The following ARL17A variants were observed in gnomAD, a reference collection of about 807,000 sequenced individuals.
ARL17A encodes ADP-ribosylation factor-like 17-like.
chr17:46,530,200 T>C (rs1196925222), intron 4 of ARL17A, among the ~76,000 whole-genome samples: 1 of 131,966 alleles, frequency 7.6e-6, no homozygotes, highest in South Asian at 2.5e-4. Context: ...CCTACATTCA[T>C]TTTTAATAGC....
In ARL17A at chr17:46,553,324, T is replaced by G. The variant is rs2056998371; in HGVS notation, c.*4032A>C. ...TCAGGTAGATGAGACTTATAATGAA[T>G]AAAAGGAATCAATACAGATTTGGAG... On this transcript the variant is annotated 3_prime_UTR_variant, in exon 4 of 4. Coordinates refer to ENST00000336125, the MANE Select transcript of ARL17A (RefSeq NM_001113738.2). 1.9e-6 allele frequency: 3 copies of G among 1,605,920 alleles called. No homozygotes were observed. The Admixed American group carries it at 5.1e-5, about 27-fold the overall frequency.
chr17:46,518,890 GC>G, intron 3 of ARL17A, among the ~76,000 whole-genome samples: 1 of 80,338 alleles, frequency 1.2e-5, no homozygotes, highest in East Asian at 2.4e-4. Context: ...ATATAGACAA[GC>G]CACGATGAGT....
chr17:46,503,545 AATC>A, the ARL17A span, among the ~76,000 whole-genome samples: 2 of 133,770 alleles, frequency 1.5e-5, no homozygotes, highest in Admixed American at 7.6e-5. Flanking sequence ...TCATGAATAT[AATC>A]ATATTCTACA....
chr17:46,530,358 A>G (rs2053504551), intron 4 of ARL17A, among the ~76,000 whole-genome samples: 1 of 142,654 alleles, frequency 7.0e-6, no homozygotes. Flanking sequence ...TTAACCAGTC[A>G]TGTGGCACTC....
chr17:46,535,017 C>T (rs62073322), intron 4 of ARL17A, among the ~76,000 whole-genome samples: 13,507 of 140,542 alleles, frequency 0.096, 4 homozygotes, highest in Non-Finnish European at 0.15. Context: ...GGGTCGCGGC[C>T]GGGCAGAGGC....
intron 4 of ARL17A, among the ~76,000 whole-genome samples, chr17:46,534,889 G>A (rs899572696): frequency 5.3e-5 from 8 of 149,750 alleles, no homozygotes; most frequent in East Asian, 1.9e-4. Context: ...CTTCTCAGAC[G>A]GGGCGGCTGC....
intron 3 of ARL17A, chr17:46,547,714 G>A: frequency 0.22 from 74 of 342 alleles, no homozygotes; most frequent in Non-Finnish European, 0.23. Context: ...TTTCCATGTC[G>A]CATCTTCTGT....
intron 3 of ARL17A, among the ~76,000 whole-genome samples, chr17:46,568,771 C>T (rs1456715624): frequency 8.1e-5 from 7 of 86,536 alleles, no homozygotes; most frequent in Admixed American, 1.4e-4. Context: ...TGCCACTGCA[C>T]GAGACCCTGT....
At chr17:46,534,672 A>G (rs9670921) in intron 4 of ARL17A, among the ~76,000 whole-genome samples, 141,990 of 148,730 alleles carry the variant, frequency 0.95, 68,553 homozygotes, top group East Asian at 1. Flanking sequence ...CAACAAAACC[A>G]CCATCGTCAT....
chr17:46,550,723 T>C (rs1210237716), downstream of ARL17A, among the ~76,000 whole-genome samples: 26 of 135,688 alleles, frequency 1.9e-4, no homozygotes, highest in Admixed American at 7.5e-5. Context: ...CTTTCAGATC[T>C]CTGTGAATTG....
the ARL17A span, among the ~76,000 whole-genome samples, chr17:46,505,617 GCCA>G: frequency 8.5e-5 from 4 of 47,204 alleles, no homozygotes; most frequent in African/African-American, 6.2e-4. Context: ...ACAGGCGTGT[GCCA>G]CCACATGTGG....
downstream of ARL17A, among the ~76,000 whole-genome samples, chr17:46,550,757 T>A (rs1442067870): frequency 3.2e-5 from 3 of 94,044 alleles, no homozygotes; most frequent in Admixed American, 1.1e-4. Flanking sequence ...CCCACTAGAC[T>A]ATTTTAAGAA....
intron 3 of ARL17A, among the ~76,000 whole-genome samples, chr17:46,558,306 C>G (rs1359109481): frequency 1.8e-5 from 2 of 109,770 alleles, no homozygotes; most frequent in African/African-American, 7.9e-5. Flanking sequence ...GTAATCCACC[C>G]GCCCTGGCCT....
rs1429705732 is a variant in ARL17A, at chr17:46,554,133, T to A, written c.*3223A>T. On this transcript the variant is annotated 3_prime_UTR_variant, in exon 4 of 4. Transcript: ENST00000336125. The stretch of plus-strand genomic sequence containing the variant: ...TTGGGCCCCTACTCTATTCCTTTTA[T>A]GCAAACCTCACAGAATTTTAACCAG... The A allele has an allele frequency of 1.2e-6, 1 of 843,764 alleles. No homozygotes were observed. Among genetic ancestry groups the A allele is most frequent in the Admixed American group, 6.4e-5 (1 of 15,544 alleles). 52.3% of individuals were successfully genotyped at this position (843,764 alleles called of 1,614,324 possible).
At chr17:46,573,054 G>A (rs1308048873) in intron 2 of ARL17A, among the ~76,000 whole-genome samples, 3 of 114,034 alleles carry the variant, frequency 2.6e-5, no homozygotes, top group Non-Finnish European at 5.5e-5. Context: ...TCCCCTTAGC[G>A]GCTTCCCACA....
chr17:46,548,311 G>A, downstream of ARL17A: 4 of 449,298 alleles, frequency 8.9e-6, no homozygotes, highest in East Asian at 3.7e-5. Flanking sequence ...TTTTTTGACA[G>A]CTGAAGAAGC....
the ARL17A span, among the ~76,000 whole-genome samples, chr17:46,503,272 G>A: frequency 3.4e-5 from 5 of 147,550 alleles, no homozygotes; most frequent in South Asian, 2.1e-4. Context: ...TTTCTCTTCA[G>A]TGGGAAAAAG....
At chr17:46,519,744 G>A (rs1300146193) in intron 3 of ARL17A, among the ~76,000 whole-genome samples, 1 of 149,006 alleles carries the variant, frequency 6.7e-6, no homozygotes, top group Non-Finnish European at 1.5e-5. Context: ...CAACATTTAT[G>A]TTATGTGCAC....
chr17:46,545,322 A>C (rs1308850692), intron 3 of ARL17A, among the ~76,000 whole-genome samples: 2 of 144,770 alleles, frequency 1.4e-5, no homozygotes, highest in Admixed American at 1.4e-4. Context: ...ATGGTGGTGC[A>C]AGCCTATACT....
Sources: gnomAD v4.1 joint callset for allele counts (sites outside exome capture counted in the v4.1 genomes callset) on GRCh38, gnomAD v4.1.1 for gene constraint, MANE v1.5 for transcripts, NCBI Gene and HGNC (gene_info 2026-07-23, HGNC 2026-07-21) for gene names.